ITPK1: variants seen among roughly 807,000 people sequenced by gnomAD.
ITPK1 encodes inositol-tetrakisphosphate 1-kinase.
Under a neutral mutation model 45.3 loss-of-function variants are expected in ITPK1, and 21 were observed. The observed-to-expected ratio is 0.46, with a 90% confidence interval of 0.33 to 0.67. ITPK1 has a LOEUF of 0.67. Among genes scored for constraint, ITPK1 ranks in the 30% least tolerant of loss-of-function variants. ITPK1 has a pLI of 0.02. For synonymous variants in ITPK1, 258 were observed against 253.6 expected, an observed-to-expected ratio of 1.02 and a Z score of -0.16; for missense variants, 474 against 573.5, an observed-to-expected ratio of 0.83 and a Z score of 1.77.
At chr14:93,066,998 T>C (rs1321156758) in intron 3 of ITPK1, among the ~76,000 whole-genome samples, 1 of 152,128 alleles carries the variant, frequency 6.6e-6, no homozygotes, top group Non-Finnish European at 1.5e-5. Context: ...GCATCCGAGT[T>C]TCTCCATCTG....
chr14:92,972,545 T>C (rs1032664614), intron 5 of ITPK1, among the ~76,000 whole-genome samples: 1 of 152,226 alleles, frequency 6.6e-6, no homozygotes, highest in Non-Finnish European at 1.5e-5. Context: ...AGCACTGTCA[T>C]GCAGCCCACG....
chr14:93,027,382 T>C (rs1054184716), intron 3 of ITPK1, among the ~76,000 whole-genome samples: 12 of 152,328 alleles, frequency 7.9e-5, no homozygotes, highest in African/African-American at 2.4e-4. Context: ...CGAGCACCTC[T>C]GTGCACCCAG....
intron 8 of ITPK1, among the ~76,000 whole-genome samples, chr14:92,953,115 G>A (rs1334767308): frequency 6.6e-6 from 1 of 152,268 alleles, no homozygotes; most frequent in Non-Finnish European, 1.5e-5. Flanking sequence ...TGCGTGCTGG[G>A]GGCCATGCCA....
At chr14:92,952,080 A>C in intron 8 of ITPK1, 67 bp from the exon 9 acceptor site, 1 of 1,249,492 alleles carries the variant, frequency 8.0e-7, no homozygotes, top group Non-Finnish European at 1.1e-6. Flanking sequence ...CCGCCACCTG[A>C]CACCAGGGGG....
Position 93,063,157 on chromosome 14 carries a change from G to A in ITPK1, c.120+13438C>T, listed in dbSNP as rs368029557. Reference sequence around the variant, plus strand: ...TCCCAAAGGCATCCTTGCCCATCCCGGCTGCCGATGATCCTGTCAAAACAC... The same window carrying A: ...TCCCAAAGGCATCCTTGCCCATCCCAGCTGCCGATGATCCTGTCAAAACAC... On this transcript the variant is annotated intron_variant, in intron 3 of 10. Transcript: ENST00000267615. The surrounding 1 kb of genome is among the most constrained non-coding windows in gnomAD (Gnocchi z 4.3). Among the ~76,000 whole-genome samples, 3 of 151,680 alleles carry A rather than the reference G, an allele frequency of 2.0e-5. No individual in the cohort carries two copies. Among genetic ancestry groups the A allele is most frequent in the Non-Finnish European group, 2.9e-5 (2 of 67,956 alleles).
chr14:93,005,518 A>C (rs563417369), intron 4 of ITPK1, among the ~76,000 whole-genome samples: 187 of 152,246 alleles, frequency 1.2e-3, no homozygotes, highest in Non-Finnish European at 1.9e-3. Flanking sequence ...CAAAACCAAC[A>C]GGCAAGAGGA....
At position 92,940,603 on chromosome 14, in the gene ITPK1, C is replaced by T. The variant is rs1887315980; in HGVS notation, c.*958G>A. 2 of 1,202,186 alleles carry T rather than the reference C, an allele frequency of 1.7e-6. No individual in the cohort carries two copies. The highest frequency in any genetic ancestry group is 1.2e-4 in the East Asian group (2 of 17,004). 74.5% of individuals were successfully genotyped at this position (1,202,186 alleles called of 1,614,324 possible). ...CGATCTCCATGGTGTCATGCCGAGG[C>T]TCCCGCGCCTATCCTCACCTAGGTG... is the stretch of plus-strand genomic sequence containing the variant. On this transcript the variant is annotated 3_prime_UTR_variant, in exon 11 of 11. Transcript: ENST00000267615.
At chr14:93,087,420 G>A (rs548885712) in intron 2 of ITPK1, among the ~76,000 whole-genome samples, 76 of 152,350 alleles carry the variant, frequency 5.0e-4, no homozygotes, top group Middle Eastern at 3.4e-3. Context: ...AGGCTAAGGC[G>A]AGAGGATCAC....
At chr14:92,961,713 C>T (rs1459239537) in intron 7 of ITPK1, among the ~76,000 whole-genome samples, 3 of 152,226 alleles carry the variant, frequency 2.0e-5, no homozygotes, top group Non-Finnish European at 2.9e-5. Context: ...CTCGCACAAG[C>T]TCCCCTATGG....
chr14:92,949,329 G>T (rs1887847295), intron 9 of ITPK1, among the ~76,000 whole-genome samples: 1 of 152,152 alleles, frequency 6.6e-6, no homozygotes, highest in African/African-American at 2.4e-5. Flanking sequence ...CAAACTCCTG[G>T]GCTCAAGCGA....
In ITPK1 at chr14:93,017,819, C is replaced by A. The variant is rs549903012; in HGVS notation, c.121-1018G>T. 1.1e-4 allele frequency among the ~76,000 whole-genome samples: 16 copies of A among 152,366 alleles called. No individual in the cohort carries two copies. The East Asian group carries it at 3.1e-3, about 29-fold the overall frequency. Reference sequence around the variant, plus strand: ...ACGAAAGACATCATAATGACAACTACAAATGGTCACTGGCAGTGGGCACCA... The same window carrying A: ...ACGAAAGACATCATAATGACAACTAAAAATGGTCACTGGCAGTGGGCACCA... On this transcript the variant is annotated intron_variant, in intron 3 of 10. Transcript: ENST00000267615.
At chr14:93,011,514 C>T (rs1887907639) in intron 4 of ITPK1, among the ~76,000 whole-genome samples, 1 of 152,222 alleles carries the variant, frequency 6.6e-6, no homozygotes, top group Non-Finnish European at 1.5e-5. Context: ...TCTCTTCCGG[C>T]ATCCTTCGGG....
At chr14:92,978,857 G>C (rs1472889555) in intron 5 of ITPK1, among the ~76,000 whole-genome samples, 1 of 152,226 alleles carries the variant, frequency 6.6e-6, no homozygotes, top group Non-Finnish European at 1.5e-5. Context: ...AGTGCAGAGA[G>C]TAAATGTGAT....
intron 4 of ITPK1, among the ~76,000 whole-genome samples, chr14:93,006,588 C>G (rs543325392): frequency 6.6e-5 from 10 of 152,332 alleles, no homozygotes; most frequent in African/African-American, 2.2e-4. Context: ...TTCGGGTCAT[C>G]CTCCCATGGG....
At chr14:93,029,847 G>T (rs1373289011) in intron 3 of ITPK1, among the ~76,000 whole-genome samples, 1 of 152,200 alleles carries the variant, frequency 6.6e-6, no homozygotes, top group Non-Finnish European at 1.5e-5. Context: ...CAAGGCAAGG[G>T]TAACAAAGGA....
chr14:93,077,969 G>A (rs1042187778), intron 2 of ITPK1, among the ~76,000 whole-genome samples: 2 of 152,202 alleles, frequency 1.3e-5, no homozygotes, highest in Admixed American at 1.3e-4. Context: ...GCAAGGTCAG[G>A]AATGTGTGGT....
intron 2 of ITPK1, among the ~76,000 whole-genome samples, chr14:93,080,836 A>T (rs1227737959): frequency 1.3e-5 from 2 of 151,974 alleles, no homozygotes; most frequent in East Asian, 3.9e-4. Flanking sequence ...TCCTGGGTTC[A>T]AGCAATTCTC....
chr14:92,972,713 C>A (rs895834067), intron 5 of ITPK1, among the ~76,000 whole-genome samples: 1 of 152,166 alleles, frequency 6.6e-6, no homozygotes, highest in African/African-American at 2.4e-5. Flanking sequence ...GCCTCAGCCT[C>A]CCAAGTAGCT....
chr14:93,039,460 C>T (rs1441846289), intron 3 of ITPK1, among the ~76,000 whole-genome samples: 1 of 152,174 alleles, frequency 6.6e-6, no homozygotes, highest in African/African-American at 2.4e-5. Context: ...CTGGGCAACA[C>T]AGCAAGACCC....
Sources: gnomAD v4.1 joint callset for allele counts (sites outside exome capture counted in the v4.1 genomes callset) on GRCh38, gnomAD v4.1.1 for gene constraint, Gnocchi (gnomAD v3.1) non-coding constraint, MANE v1.5 for transcripts, NCBI Gene and HGNC (gene_info 2026-07-23, HGNC 2026-07-21) for gene names.